The following CRPPA variants were observed in gnomAD, a reference collection of about 807,000 sequenced individuals.
CRPPA encodes the protein CDP-L-ribitol pyrophosphorylase A.
In CRPPA, 43 loss-of-function variants were observed where a neutral mutation model predicts 52.0. The observed-to-expected ratio is 0.83, with a 90% CI of 0.65 to 1.07. The LOEUF (loss-of-function observed/expected upper bound fraction) is 1.07. CRPPA is among the 50% of genes least tolerant of loss of function. The pLI is 0.00. For missense variants in CRPPA, 629 were observed against 551.7 expected, an observed-to-expected ratio of 1.14 and a Z score of -1.40; for synonymous variants, 250 against 203.5, an observed-to-expected ratio of 1.23 and a Z score of -1.94.
At chr7:16,221,641 G>T (rs1177746079) in intron 8 of CRPPA, among the ~76,000 whole-genome samples, 1 of 151,932 alleles carries the variant, frequency 6.6e-6, no homozygotes, top group Non-Finnish European at 1.5e-5. Context: ...CGAAGGACAT[G>T]AACAGACACT....
At chr7:16,257,166 A>G (rs763136724) in intron 8 of CRPPA, among the ~76,000 whole-genome samples, 43 of 152,162 alleles carry the variant, frequency 2.8e-4, no homozygotes, top group Non-Finnish European at 1.0e-4. Context: ...CAAACCTCAG[A>G]ACAATTAAGT....
intron 3 of CRPPA, among the ~76,000 whole-genome samples, chr7:16,369,157 C>G (rs1014207271): frequency 6.6e-6 from 1 of 152,092 alleles, no homozygotes; most frequent in African/African-American, 2.4e-5. Flanking sequence ...CTGGGAGCAT[C>G]GGCAAGCTAC....
intron 9 of CRPPA, among the ~76,000 whole-genome samples, chr7:16,180,507 C>T (rs1238248217): frequency 3.3e-5 from 5 of 152,004 alleles, no homozygotes; most frequent in Non-Finnish European, 5.9e-5. Context: ...GTAGTTTCAT[C>T]GATCTAGGCA....
At chr7:16,287,691 G>T (rs1021047565) in intron 5 of CRPPA, among the ~76,000 whole-genome samples, 3 of 152,292 alleles carry the variant, frequency 2.0e-5, no homozygotes, top group African/African-American at 7.2e-5. Flanking sequence ...GAAGGCCAAA[G>T]CGAATGGATT....
chr7:16,247,349 G>C (rs1193751936), intron 8 of CRPPA, among the ~76,000 whole-genome samples: 1 of 152,162 alleles, frequency 6.6e-6, no homozygotes, highest in African/African-American at 2.4e-5. Context: ...GGTCATTGTA[G>C]GGTTATTAAT....
intron 1 of CRPPA, among the ~76,000 whole-genome samples, chr7:16,414,350 A>C (rs78596570): frequency 9.4e-5 from 13 of 138,758 alleles, no homozygotes; most frequent in Non-Finnish European, 1.6e-4. Flanking sequence ...CCCCTACCCC[A>C]ACACACACAC....
chr7:16,266,012 C>T (rs1024356969), intron 6 of CRPPA, among the ~76,000 whole-genome samples: 4 of 152,170 alleles, frequency 2.6e-5, no homozygotes, highest in African/African-American at 9.7e-5. Flanking sequence ...TTGTCACAGA[C>T]ATCACAACAC....
At chr7:16,196,137 GTCT>G (rs1041467140) in intron 9 of CRPPA, among the ~76,000 whole-genome samples, 2 of 152,080 alleles carry the variant, frequency 1.3e-5, no homozygotes. Context: ...TATATATGTT[GTCT>G]TTTTTACTTT....
chr7:16,303,155 T>C (rs903769625), intron 4 of CRPPA, among the ~76,000 whole-genome samples: 12 of 152,280 alleles, frequency 7.9e-5, no homozygotes, highest in African/African-American at 2.9e-4. Flanking sequence ...GCATTTCACA[T>C]TTTAATAGAT....
At chr7:16,289,416 G>C (rs760636982) in intron 5 of CRPPA, among the ~76,000 whole-genome samples, 22 of 151,804 alleles carry the variant, frequency 1.4e-4, no homozygotes, top group Non-Finnish European at 3.1e-4. Context: ...ATAAAGCAGA[G>C]ACACAAAACC....
chr7:16,379,780 G>A (rs563953222), intron 2 of CRPPA, among the ~76,000 whole-genome samples: 1 of 152,146 alleles, frequency 6.6e-6, no homozygotes, highest in African/African-American at 2.4e-5. Context: ...TCATGATTTG[G>A]CTCTCTGTTT....
At chr7:16,224,516 T>C (rs1311101780) in intron 8 of CRPPA, among the ~76,000 whole-genome samples, 5 of 152,152 alleles carry the variant, frequency 3.3e-5, no homozygotes, top group African/African-American at 1.2e-4. Flanking sequence ...CACTGCTTAA[T>C]GCCCACCAAA....
chr7:16,344,405 C>CCAA (rs774993319), intron 3 of CRPPA, among the ~76,000 whole-genome samples: 1 of 99,346 alleles, frequency 1.0e-5, no homozygotes, highest in East Asian at 3.1e-4. Flanking sequence ...TATCTCTACC[C>CCAA]AAAAAAAAAA....
chr7:16,350,339 T>C, intron 3 of CRPPA, among the ~76,000 whole-genome samples: 1 of 152,030 alleles, frequency 6.6e-6, no homozygotes. Flanking sequence ...CATTGTCAAA[T>C]CCAAAACACT....
At chr7:16,378,122 T>C (rs1786950203) in intron 2 of CRPPA, among the ~76,000 whole-genome samples, 1 of 152,034 alleles carries the variant, frequency 6.6e-6, no homozygotes, top group Non-Finnish European at 1.5e-5. Flanking sequence ...ATTTTATTAT[T>C]ATTATACTTT....
At chr7:16,255,859 A>G (rs1016618468) in intron 8 of CRPPA, among the ~76,000 whole-genome samples, 4 of 152,154 alleles carry the variant, frequency 2.6e-5, no homozygotes, top group African/African-American at 9.7e-5. Context: ...AACCTAAGCA[A>G]TACCATTCAG....
intron 3 of CRPPA, among the ~76,000 whole-genome samples, chr7:16,360,069 T>A (rs905474224): frequency 1.3e-5 from 2 of 152,216 alleles, no homozygotes; most frequent in Admixed American, 1.3e-4. Flanking sequence ...ACTGCATTTT[T>A]ATAAATTGTC....
rs1392835469 is a variant in CRPPA, at chr7:16,406,336, C to T, written c.259G>A (p.Val87Ile). 6.2e-7 allele frequency: 1 copy of T among 1,611,568 alleles called. No individual in the cohort carries two copies. Among genetic ancestry groups the T allele is most frequent in the South Asian group, 1.1e-5 (1 of 90,940 alleles). Residue 87 changes from valine to isoleucine, a missense_variant and splice_region_variant, in exon 2 of 10, where the codon GTA (valine) becomes ATA (isoleucine). Physicochemically the swap from Val to Ile is conservative, Grantham distance 29. Coordinates refer to ENST00000407010, the MANE Select transcript of CRPPA (RefSeq NM_001101426.4). ...ISYTLQALER[V>I]CWIKDIVVAV... The stretch of plus-strand genomic sequence containing the variant: ...ACAACAATGTCCTTTATCCAACATA[C>T]TCTAAAAGGAAAGTATATGTACAAT...
chr7:16,236,901 G>A (rs1261127931), intron 8 of CRPPA, among the ~76,000 whole-genome samples: 1 of 151,682 alleles, frequency 6.6e-6, no homozygotes, highest in African/African-American at 2.4e-5. Context: ...AAGTCACAAA[G>A]GAGTCTAACT....
Sources: gnomAD v4.1 joint callset for allele counts (sites outside exome capture counted in the v4.1 genomes callset) on GRCh38, gnomAD v4.1.1 for gene constraint, MANE v1.5 for transcripts, NCBI Gene and HGNC (gene_info 2026-07-23, HGNC 2026-07-21) for gene names.